The following PCM1 variants were observed in gnomAD, a reference collection of about 807,000 sequenced individuals.
PCM1 encodes the protein pericentriolar material 1.
Under a neutral mutation model 241.9 loss-of-function variants are expected in PCM1, and 157 were observed. The observed-to-expected ratio is 0.65, with a 90% CI of 0.57 to 0.74. The LOEUF (loss-of-function observed/expected upper bound fraction) is 0.74, where lower values mean the gene tolerates loss of function less well. Among genes scored for constraint, PCM1 ranks in the 30% least tolerant of loss-of-function variants. The pLI is 0.00. For synonymous variants in PCM1, 1,085 were observed against 784.9 expected, an observed-to-expected ratio of 1.38 and a Z score of -6.39; for missense variants, 3,478 against 2,360.1, an observed-to-expected ratio of 1.47 and a Z score of -9.81.
chr8:17,983,245 G>A, intron 24 of PCM1: 1 of 1,322,252 alleles, frequency 7.6e-7, no homozygotes, highest in Non-Finnish European at 9.9e-7. Flanking sequence ...CATGCTAGGA[G>A]AATACTACAG....
chr8:17,952,175 A>G (rs763527099), intron 8 of PCM1, among the ~76,000 whole-genome samples: 1 of 152,030 alleles, frequency 6.6e-6, no homozygotes, highest in Non-Finnish European at 1.5e-5. Context: ...GTGAGTTGAG[A>G]TCACGCCACT....
intron 2 of PCM1, among the ~76,000 whole-genome samples, chr8:17,934,125 C>G (rs2299586): frequency 0.45 from 68,608 of 151,898 alleles, 17,268 homozygotes; most frequent in Non-Finnish European, 0.59. Context: ...ATTCTAGCAT[C>G]AAAACATCTG....
At chr8:18,007,178 C>G (rs557567660) in intron 30 of PCM1, among the ~76,000 whole-genome samples, 1 of 152,166 alleles carries the variant, frequency 6.6e-6, no homozygotes, top group Non-Finnish European at 1.5e-5. Context: ...TATTTTTACT[C>G]CACATTAGGT....
At chr8:18,000,140 G>C (rs2088746273) in intron 29 of PCM1, among the ~76,000 whole-genome samples, 1 of 152,182 alleles carries the variant, frequency 6.6e-6, no homozygotes, top group Non-Finnish European at 1.5e-5. Flanking sequence ...TGACTAAGGA[G>C]CCAGTGTAAA....
chr8:17,952,655 A>C (rs2066520864), intron 8 of PCM1, among the ~76,000 whole-genome samples: 1 of 152,218 alleles, frequency 6.6e-6, no homozygotes. Context: ...TGAAGTATAT[A>C]GGAGGATGTG....
rs1564064954 is a variant in PCM1 at position 17,972,358 on chromosome 8, A to G, written c.3614A>G (p.Glu1205Gly). 1 of 1,526,990 alleles carries G rather than the reference A, an allele frequency of 6.5e-7. No homozygotes were observed. Among genetic ancestry groups the G allele is most frequent in the East Asian group, 2.3e-5 (1 of 43,888 alleles). The allele number at this position is 1,526,990 out of a possible 1,614,324, so 94.6% of individuals were successfully genotyped here. A position where few individuals can be genotyped will look rare whatever the true frequency, so the allele number is the denominator to read the frequency against. The change falls in exon 23 of 39, where the codon GAA (glutamate) becomes GGA (glycine). Residue 1205 changes from glutamate (E) to glycine (G), a missense_variant. Transcript: ENST00000325083. ...RNKKLPEEEV[E>G]SSRTPWLYEQ... ...AAAAAACTGCCTGAAGAGGAGGTGGAAAGCAGTAGGACACCATGGTTATAT... is the reference window on the plus strand; with the variant it reads ...AAAAAACTGCCTGAAGAGGAGGTGGGAAGCAGTAGGACACCATGGTTATAT...
At chr8:17,944,032 G>T (rs931959426) in intron 6 of PCM1, among the ~76,000 whole-genome samples, 1 of 152,160 alleles carries the variant, frequency 6.6e-6, no homozygotes, top group African/African-American at 2.4e-5. Flanking sequence ...GCAAAAGAAA[G>T]CCTTCTACGA....
In PCM1 at chr8:17,955,736, A is replaced by C. The variant is rs527423056; in HGVS notation, c.1472+83A>C. On this transcript the variant is annotated intron_variant, in intron 10 of 38. Coordinates refer to ENST00000325083, the MANE Select transcript of PCM1 (RefSeq NM_006197.4). Reference sequence around the variant, plus strand: ...TTTTTTTTTATGTTGAAAATTCTGCAAAACGAGATTTATTTAATATTGTTG... The same window carrying C: ...TTTTTTTTTATGTTGAAAATTCTGCCAAACGAGATTTATTTAATATTGTTG... 5.8e-6 allele frequency: 6 copies of C among 1,032,984 alleles called. No individual in the cohort carries two copies. In the African/African-American group the frequency reaches 9.6e-5, roughly 16 times the overall value. 64.0% of individuals were successfully genotyped at this position (1,032,984 alleles called of 1,614,324 possible).
At position 17,956,613 on chromosome 8, in the gene PCM1, T is replaced by C. The variant is rs534294386; in HGVS notation, c.1482T>C (p.Asn494=). ...LNPSEKLQKL[N]EVRKRLNELR... ...ATTTTTTGTTTATCAGGAAGTTAAA[T>C]GAAGTTCGAAAGAGATTGAATGAGC... is the stretch of plus-strand genomic sequence containing the variant. The change falls in exon 11 of 39, where the codon AAT becomes AAC. Residue 494 remains asparagine (N), a synonymous_variant. Coordinates refer to ENST00000325083, the MANE Select transcript of PCM1 (RefSeq NM_006197.4). 6.3e-6 allele frequency: 10 copies of C among 1,585,158 alleles called. No individual in the cohort carries two copies. Among genetic ancestry groups the C allele is most frequent in the Non-Finnish European group, 8.6e-6 (10 of 1,164,194 alleles).
rs1163185134 is a variant in PCM1 at position 17,983,419 on chromosome 8, A to C, written c.4109-2028A>C. On this transcript the variant is annotated intron_variant, in intron 24 of 38. Coordinates refer to ENST00000325083, the MANE Select transcript of PCM1 (RefSeq NM_006197.4). ...GTATATATGTTATGTGACTATTGTA[A>C]AAGATAATTTATATTCATAAAATTC... 1.2e-5 allele frequency: 4 copies of C among 334,186 alleles called. No homozygotes were observed. In the East Asian group the frequency reaches 2.8e-4, roughly 23 times the overall value. 20.7% of individuals were successfully genotyped at this position (334,186 alleles called of 1,614,324 possible).
At chr8:18,016,132 C>T (rs2093164663) in intron 36 of PCM1, among the ~76,000 whole-genome samples, 1 of 152,314 alleles carries the variant, frequency 6.6e-6, no homozygotes, top group South Asian at 2.1e-4. Flanking sequence ...TTGTAATCCG[C>T]CTGCCTCAGC....
chr8:18,026,412 C>A (rs2094215037), intron 38 of PCM1, among the ~76,000 whole-genome samples: 1 of 150,798 alleles, frequency 6.6e-6, no homozygotes, highest in African/African-American at 2.4e-5. Flanking sequence ...CGCCCGCCAC[C>A]ACGCCTGGCT....
intron 7 of PCM1, among the ~76,000 whole-genome samples, 173 bp downstream of exon 7, chr8:17,947,536 A>C (rs1033903782): frequency 6.6e-6 from 1 of 152,212 alleles, no homozygotes; most frequent in Non-Finnish European, 1.5e-5. Flanking sequence ...AAAAGGTTGC[A>C]GGGACAACTG....
chr8:17,966,309 A>G lies in PCM1; in HGVS notation c.3076-19A>G, dbSNP rs758307338. ...TCTCAAGTCATCAGTAACTATTAAC[A>G]AACATTTTCTTTCAATAGACTCTAT... is the stretch of plus-strand genomic sequence containing the variant. On this transcript the variant is annotated intron_variant, in intron 19 of 38. Coordinates refer to ENST00000325083, the MANE Select transcript of PCM1 (RefSeq NM_006197.4). 2 of 1,612,692 alleles carry G rather than the reference A, an allele frequency of 1.2e-6. No homozygotes were observed. Among genetic ancestry groups the G allele is most frequent in the Non-Finnish European group, 8.5e-7 (1 of 1,178,990 alleles).
At chr8:17,993,658 G>GT (rs1200348676) in intron 29 of PCM1, 39 bp downstream of exon 29, 16 of 1,522,648 alleles carry the variant, frequency 1.1e-5, no homozygotes, top group African/African-American at 1.4e-5. Context: ...AACCTTCTAT[G>GT]TTTTGTTTTT....
intron 28 of PCM1, 92 bp from the exon 29 acceptor site, chr8:17,993,391 C>G (rs938608532): frequency 5.9e-6 from 5 of 843,554 alleles, no homozygotes; most frequent in South Asian, 5.0e-5. Flanking sequence ...ATAAAATCAT[C>G]AAATTTAATA....
At chr8:17,993,281 A>T (rs972380279) in intron 28 of PCM1, among the ~76,000 whole-genome samples, 1 of 152,084 alleles carries the variant, frequency 6.6e-6, no homozygotes, top group Non-Finnish European at 1.5e-5. Flanking sequence ...TCTATGTAAA[A>T]AATTTAAATA....
intron 3 of PCM1, among the ~76,000 whole-genome samples, chr8:17,936,146 C>T (rs547686631): frequency 6.6e-6 from 1 of 152,130 alleles, no homozygotes; most frequent in South Asian, 2.1e-4. Flanking sequence ...GTTATGGGTG[C>T]AGTTATGTAC....
rs71545505 is a variant in PCM1 at position 18,014,095 on chromosome 8, T to TAAAA, written c.5584+72_5584+75dup. 703 of 615,412 alleles carry TAAAA rather than the reference T, an allele frequency of 1.1e-3. 8 individuals are homozygous for TAAAA. In the African/African-American group the frequency reaches 0.014, roughly 12 times the overall value. The allele number at this position is 615,412 out of a possible 1,614,324, so 38.1% of individuals were successfully genotyped here. A position where few individuals can be genotyped will look rare whatever the true frequency, so the allele number is the denominator to read the frequency against. On this transcript the variant is annotated intron_variant, in intron 35 of 38. Coordinates refer to ENST00000325083, the MANE Select transcript of PCM1 (RefSeq NM_006197.4). ...TAATTTCCTTTATTTGCTTTAAAGC[T>TAAAA]AAAAAAAAAAAAAAAACACACACAG... is the stretch of plus-strand genomic sequence containing the variant.
Sources: gnomAD v4.1 joint callset for allele counts (sites outside exome capture counted in the v4.1 genomes callset) on GRCh38, gnomAD v4.1.1 for gene constraint, MANE v1.5 for transcripts, NCBI Gene and HGNC (gene_info 2026-07-23, HGNC 2026-07-21) for gene names.